The following RAP1GDS1 variants were observed in gnomAD, a reference collection of about 807,000 sequenced individuals.
RAP1GDS1 encodes Rap1 GTPase-GDP dissociation stimulator 1.
In RAP1GDS1, 35 loss-of-function variants were observed where a neutral mutation model predicts 71.1. The observed-to-expected ratio is 0.49, with a 90% CI of 0.38 to 0.65. RAP1GDS1 has a LOEUF of 0.65. Ranked by LOEUF, RAP1GDS1 falls within the 30% of genes least tolerant of loss-of-function variation. The probability of loss-of-function intolerance (pLI) is 0.00; values close to 1 mark genes in which losing one functional copy is unlikely to be tolerated. For missense variants in RAP1GDS1, 663 were observed against 706.1 expected, an observed-to-expected ratio of 0.94 and a Z score of 0.69; for synonymous variants, 229 against 243.1, an observed-to-expected ratio of 0.94 and a Z score of 0.54.
At chr4:98,415,056 A>G (rs952552500) in intron 7 of RAP1GDS1, among the ~76,000 whole-genome samples, 2 of 152,098 alleles carry the variant, frequency 1.3e-5, no homozygotes, top group African/African-American at 4.8e-5. Flanking sequence ...TGATTTTTGT[A>G]CATTGATTTT....
chr4:98,386,202 A>T (rs543815744), intron 5 of RAP1GDS1, among the ~76,000 whole-genome samples: 1 of 152,074 alleles, frequency 6.6e-6, no homozygotes, highest in South Asian at 2.1e-4. Flanking sequence ...CAAATAATTA[A>T]CCTGTAGTAA....
chr4:98,295,980 ATG>A (rs1254502451), intron 2 of RAP1GDS1, among the ~76,000 whole-genome samples: 1 of 152,022 alleles, frequency 6.6e-6, no homozygotes, highest in Non-Finnish European at 1.5e-5. Flanking sequence ...GTCCTCCTAA[ATG>A]TAAAATTATA....
chr4:98,416,964 C>A, intron 8 of RAP1GDS1, 76 bp downstream of exon 8: 1 of 1,465,086 alleles, frequency 6.8e-7, no homozygotes, highest in Non-Finnish European at 9.3e-7. Flanking sequence ...TCTGTAAATA[C>A]TACCCTAGAC....
chr4:98,371,923 A>G (rs1004198787), intron 4 of RAP1GDS1, among the ~76,000 whole-genome samples: 7 of 152,142 alleles, frequency 4.6e-5, no homozygotes, highest in Admixed American at 3.3e-4. Flanking sequence ...TTTTTACCCA[A>G]TCTGACCATC....
intron 4 of RAP1GDS1, among the ~76,000 whole-genome samples, chr4:98,367,623 G>T (rs1034832467): frequency 1.3e-5 from 2 of 152,214 alleles, no homozygotes; most frequent in African/African-American, 2.4e-5. Context: ...GGGCAGAGCT[G>T]CCCAAGACCA....
At position 98,432,949 on chromosome 4, in the gene RAP1GDS1, T is replaced by C. The variant is rs114554892; in HGVS notation, c.1441-987T>C. ...ATGGTCTTATATGTTTTCTGTGTAATAACTTTGTAATAACAAAAACCTATG... is the reference window on the plus strand; with the variant it reads ...ATGGTCTTATATGTTTTCTGTGTAACAACTTTGTAATAACAAAAACCTATG... On this transcript the variant is annotated intron_variant, in intron 12 of 14. Transcript: ENST00000408927. 3.6e-3 allele frequency among the ~76,000 whole-genome samples: 541 copies of C among 150,822 alleles called. 3 individuals are homozygous for C. The highest frequency in any genetic ancestry group is 0.012 in the African/African-American group (507 of 41,106).
At chr4:98,364,454 C>T (rs576641986) in intron 4 of RAP1GDS1, among the ~76,000 whole-genome samples, 14 of 152,090 alleles carry the variant, frequency 9.2e-5, no homozygotes, top group Middle Eastern at 3.4e-3. Context: ...TCATTGTTTC[C>T]GTAAATATAT....
Position 98,442,498 on chromosome 4 carries a change from C to G in RAP1GDS1, c.*381C>G, listed in dbSNP as rs1380711683. 1 of 231,530 alleles carries G rather than the reference C, an allele frequency of 4.3e-6. No individual in the cohort carries two copies. The highest frequency in any genetic ancestry group is 1.8e-4 in the South Asian group (1 of 5,534). The allele number at this position is 231,530 out of a possible 1,614,324, so 14.3% of individuals were successfully genotyped here. On this transcript the variant is annotated 3_prime_UTR_variant, in exon 15 of 15. Transcript: ENST00000408927. ...AAACAAAGAATGCAGCAGGATCTGT[C>G]TAGCTTATTAAAGATGAAACTGAAT...
intron 4 of RAP1GDS1, among the ~76,000 whole-genome samples, chr4:98,356,939 T>C (rs564543835): frequency 1.3e-5 from 2 of 152,116 alleles, no homozygotes; most frequent in East Asian, 1.9e-4. Context: ...ACTATTTTAA[T>C]ATAAAGTCTT....
At chr4:98,435,836 C>G (rs1751046669) in intron 13 of RAP1GDS1, among the ~76,000 whole-genome samples, 1 of 150,120 alleles carries the variant, frequency 6.7e-6, no homozygotes, top group African/African-American at 2.5e-5. Flanking sequence ...CTTTGGGAGG[C>G]CGAGGCGGGT....
intron 1 of RAP1GDS1, among the ~76,000 whole-genome samples, chr4:98,267,978 TTC>T (rs1722932250): frequency 6.6e-6 from 1 of 152,218 alleles, no homozygotes; most frequent in Non-Finnish European, 1.5e-5. Flanking sequence ...TGTAAAAACA[TTC>T]TCTTTTCTCC....
At chr4:98,419,059 A>T (rs944591135) in intron 10 of RAP1GDS1, among the ~76,000 whole-genome samples, 3 of 152,074 alleles carry the variant, frequency 2.0e-5, no homozygotes, top group Admixed American at 6.6e-5. Context: ...TTTATAGTTA[A>T]GCTTTTTTAA....
intron 6 of RAP1GDS1, among the ~76,000 whole-genome samples, chr4:98,400,790 T>C (rs1397358523): frequency 6.6e-6 from 1 of 152,188 alleles, no homozygotes; most frequent in Non-Finnish European, 1.5e-5. Flanking sequence ...TGCTTACTAT[T>C]CATTATATGT....
intron 2 of RAP1GDS1, among the ~76,000 whole-genome samples, chr4:98,330,463 G>C (rs1733796443): frequency 6.6e-6 from 1 of 150,760 alleles, no homozygotes; most frequent in Admixed American, 6.6e-5. Context: ...TCACTTCCCA[G>C]ACGGGGTGGC....
At chr4:98,325,854 A>G (rs1199604809) in intron 2 of RAP1GDS1, among the ~76,000 whole-genome samples, 2 of 151,272 alleles carry the variant, frequency 1.3e-5, no homozygotes, top group African/African-American at 4.9e-5. Context: ...GCGCACCAGC[A>G]TGGCACATGT....
At chr4:98,352,708 TGGGCCG>T (rs1737393635) in intron 4 of RAP1GDS1, 107 bp downstream of exon 4, 2 of 1,216,998 alleles carry the variant, frequency 1.6e-6, no homozygotes, top group Admixed American at 4.8e-5. Flanking sequence ...AACACTAACA[TGGGCCG>T]GCATGATTCA....
At chr4:98,403,465 A>G (rs958102473) in intron 6 of RAP1GDS1, among the ~76,000 whole-genome samples, 2 of 152,176 alleles carry the variant, frequency 1.3e-5, no homozygotes, top group African/African-American at 2.4e-5. Context: ...CAGAGTGTTC[A>G]TATACTGAGT....
intron 3 of RAP1GDS1, among the ~76,000 whole-genome samples, chr4:98,351,948 A>C (rs1451156948): frequency 1.3e-5 from 2 of 151,610 alleles, no homozygotes; most frequent in Non-Finnish European, 2.9e-5. Flanking sequence ...TTACCAATCA[A>C]AAAGGACATA....
rs541712345 is a variant in RAP1GDS1 at position 98,441,993 on chromosome 4, G to T, written c.1700G>T (p.Cys567Phe). Residue 567 changes from cysteine to phenylalanine, a missense_variant, in exon 15 of 15, where the codon TGT (cysteine) becomes TTT (phenylalanine). By Grantham distance (205) the Cys-to-Phe change is radical. Coordinates refer to ENST00000408927, the MANE Select transcript of RAP1GDS1 (RefSeq NM_001100427.2). ...VLICALMGSECLHKEVQDLAF... is the reference protein window; with the variant it reads ...VLICALMGSEFLHKEVQDLAF... ...CTGTTATTTTTTTGTCTTCCAGAAT[G>T]TCTACACAAGGAAGTACAGGATTTG... The T allele has an allele frequency of 4.3e-6, 7 of 1,613,642 alleles. No homozygotes were observed. In the East Asian group the frequency reaches 1.3e-4, roughly 31 times the overall value.
Sources: gnomAD v4.1 joint callset for allele counts (sites outside exome capture counted in the v4.1 genomes callset) on GRCh38, gnomAD v4.1.1 for gene constraint, MANE v1.5 for transcripts, NCBI Gene and HGNC (gene_info 2026-07-23, HGNC 2026-07-21) for gene names.